The following B3GALT1 variants were observed in gnomAD, a reference collection of about 807,000 sequenced individuals.
B3GALT1 encodes UDP-Gal:betaGlcNAc beta 1,3-galactosyltransferase, polypeptide 1.
A neutral mutation model predicts 23.2 loss-of-function variants in B3GALT1; 10 were observed. The ratio of observed to expected loss-of-function variants is 0.43; its 90% CI spans 0.27 to 0.73. The LOEUF (loss-of-function observed/expected upper bound fraction) is 0.73. B3GALT1 is among the 30% of genes least tolerant of loss of function. The pLI is 0.21. For missense variants in B3GALT1, 299 were observed against 405.4 expected (o/e 0.74, Z 2.25); for synonymous variants, 156 against 141.5 (o/e 1.10, Z -0.73).
chr2:167,394,407 C>T (rs911674473), intron 1 of B3GALT1, among the ~76,000 whole-genome samples: 2 of 152,156 alleles, frequency 1.3e-5, no homozygotes, highest in African/African-American at 4.8e-5. Context: ...ATTTCCACTA[C>T]ACAATGTACT....
At chr2:167,804,884 T>C (rs1328075977) in intron 3 of B3GALT1, among the ~76,000 whole-genome samples, 2 of 152,188 alleles carry the variant, frequency 1.3e-5, no homozygotes, top group Non-Finnish European at 2.9e-5. Context: ...TAGTTCAAGA[T>C]CCCTGAGGAA....
intron 1 of B3GALT1, among the ~76,000 whole-genome samples, chr2:167,326,491 AGATAAAATCC>A (rs923703594): frequency 4.6e-5 from 7 of 152,004 alleles, no homozygotes; most frequent in African/African-American, 1.7e-4. Context: ...GAGATCTTAA[AGATAAAATCC>A]TTACCTAGAC....
rs571558075 is a variant in B3GALT1, at chr2:167,637,072, C to T, written c.-409-9837C>T. Among the ~76,000 whole-genome samples, 66 of 152,092 alleles carry T rather than the reference C, an allele frequency of 4.3e-4. 1 individual carries two copies. The highest frequency in any genetic ancestry group is 7.2e-4 in the Non-Finnish European group (49 of 67,938). Reference sequence around the variant, plus strand: ...CTACCCTGATTAGTTAGTGCCCATGCTATTCCAGTTTGTTAGATATTTTGG... The same window carrying T: ...CTACCCTGATTAGTTAGTGCCCATGTTATTCCAGTTTGTTAGATATTTTGG... On this transcript the variant is annotated intron_variant, in intron 2 of 4. Transcript: ENST00000392690.
chr2:167,580,618 C>G (rs1279129664), intron 2 of B3GALT1, among the ~76,000 whole-genome samples: 1 of 152,052 alleles, frequency 6.6e-6, no homozygotes, highest in Non-Finnish European at 1.5e-5. Context: ...GGGCCTGACT[C>G]TATGTTAAAA....
At chr2:167,609,216 A>T (rs560608914) in intron 2 of B3GALT1, among the ~76,000 whole-genome samples, 1 of 152,288 alleles carries the variant, frequency 6.6e-6, no homozygotes, top group African/African-American at 2.4e-5. Context: ...CAGACCAATA[A>T]TAACGTATTT....
intron 3 of B3GALT1, among the ~76,000 whole-genome samples, chr2:167,648,944 A>T (rs1290021567): frequency 1.3e-5 from 2 of 152,070 alleles, no homozygotes; most frequent in African/African-American, 2.4e-5. Context: ...AGTCAATTGC[A>T]TTGGCTTCTG....
At chr2:167,737,289 G>T (rs769036446) in intron 3 of B3GALT1, among the ~76,000 whole-genome samples, 4 of 152,198 alleles carry the variant, frequency 2.6e-5, no homozygotes, top group African/African-American at 4.8e-5. Context: ...AATGACATTA[G>T]TTAATTTTCC....
At chr2:167,455,594 A>G (rs11897122) in intron 1 of B3GALT1, among the ~76,000 whole-genome samples, 1,922 of 152,116 alleles carry the variant, frequency 0.013, 39 homozygotes, top group African/African-American at 0.044. Context: ...GCTCACTGCA[A>G]TCTATGCCTC....
intron 2 of B3GALT1, among the ~76,000 whole-genome samples, chr2:167,547,226 C>G (rs559798835): frequency 6.6e-6 from 1 of 152,164 alleles, no homozygotes; most frequent in Non-Finnish European, 1.5e-5. Flanking sequence ...CAGATCCATA[C>G]ACAATTTATT....
intron 1 of B3GALT1, among the ~76,000 whole-genome samples, chr2:167,468,952 CT>C (rs1392215220): frequency 2.0e-5 from 3 of 152,158 alleles, no homozygotes; most frequent in African/African-American, 7.2e-5. Context: ...ATTGTAGCCA[CT>C]TATATCCAAT....
chr2:167,420,433 A>G (rs1523880), intron 1 of B3GALT1, among the ~76,000 whole-genome samples: 150,077 of 152,314 alleles, frequency 0.99, 73,972 homozygotes, highest in Middle Eastern at 1. Context: ...AGTAAATCTC[A>G]GCAGTAGCTA....
intron 1 of B3GALT1, among the ~76,000 whole-genome samples, chr2:167,347,790 T>A (rs907266512): frequency 1.3e-5 from 2 of 152,200 alleles, no homozygotes; most frequent in Non-Finnish European, 2.9e-5. Context: ...TATCATTTCC[T>A]TTCTTTGACC....
intron 4 of B3GALT1, among the ~76,000 whole-genome samples, chr2:167,856,996 C>G (rs1690011857): frequency 6.6e-6 from 1 of 152,050 alleles, no homozygotes; most frequent in Non-Finnish European, 1.5e-5. Flanking sequence ...GATTTCTGAT[C>G]CGTGAGGATT....
chr2:167,355,858 C>T (rs1488382251), intron 1 of B3GALT1, among the ~76,000 whole-genome samples: 2 of 152,066 alleles, frequency 1.3e-5, no homozygotes, highest in Admixed American at 6.6e-5. Context: ...TTAACATCTA[C>T]AGCTTTTCTT....
chr2:167,424,869 A>C (rs1559092524), intron 1 of B3GALT1, among the ~76,000 whole-genome samples: 1 of 152,226 alleles, frequency 6.6e-6, no homozygotes, highest in Non-Finnish European at 1.5e-5. Context: ...TCCCGTTTAG[A>C]TTCTGTGCCT....
intron 1 of B3GALT1, among the ~76,000 whole-genome samples, chr2:167,326,681 C>CATTT (rs945062055): frequency 1.1e-4 from 17 of 151,654 alleles, no homozygotes; most frequent in East Asian, 5.8e-4. Flanking sequence ...TTCCCCTGCC[C>CATTT]ATTTATTTAT....
At chr2:167,517,115 G>T (rs1700110471) in intron 2 of B3GALT1, among the ~76,000 whole-genome samples, 1 of 151,828 alleles carries the variant, frequency 6.6e-6, no homozygotes, top group South Asian at 2.1e-4. Flanking sequence ...AATATTTGAT[G>T]AATATTTGAA....
chr2:167,838,027 G>A, intron 4 of B3GALT1, among the ~76,000 whole-genome samples: 3 of 150,132 alleles, frequency 2.0e-5, no homozygotes, highest in Non-Finnish European at 4.5e-5. Context: ...ATTCAAAGCA[G>A]TGTGTAGAGG....
chr2:167,465,029 A>G (rs13026270), intron 1 of B3GALT1, among the ~76,000 whole-genome samples: 15,470 of 152,182 alleles, frequency 0.1, 1,078 homozygotes, highest in East Asian at 0.25. Flanking sequence ...CATCCTCACA[A>G]GTTACTTTGG....
Sources: allele counts gnomAD v4.1 joint callset (sites outside exome capture counted in the v4.1 genomes callset), GRCh38; gene constraint gnomAD v4.1.1; transcripts MANE v1.5; gene names NCBI Gene and HGNC (gene_info 2026-07-23, HGNC 2026-07-21).